CDH18: variants seen among roughly 807,000 people sequenced by gnomAD.
CDH18 encodes cadherin-18.
CDH18 carries 31 observed loss-of-function variants against 67.9 expected under a neutral mutation model. That is an observed-to-expected ratio of 0.46 (90% CI 0.34 to 0.62). CDH18 has a LOEUF of 0.62. Among genes scored for constraint, CDH18 ranks in the 20% least tolerant of loss-of-function variants. The pLI is 0.01. For missense variants in CDH18, 890 were observed against 975.5 expected (o/e 0.91, Z 1.17); for synonymous variants, 362 against 347.2 (o/e 1.04, Z -0.48).
At chr5:19,554,038 T>C (rs923839544) in intron 8 of CDH18, among the ~76,000 whole-genome samples, 8 of 152,224 alleles carry the variant, frequency 5.3e-5, no homozygotes, top group South Asian at 4.1e-4. Context: ...TGCAATTTAA[T>C]ACACAAGCCA....
rs577048556 is a variant in CDH18, at chr5:19,567,848, G to A, written c.1253+3731C>T. Among the ~76,000 whole-genome samples, 16 of 152,172 alleles carry A rather than the reference G, an allele frequency of 1.1e-4. No individual in the cohort carries two copies. In the South Asian group the frequency reaches 1.2e-3, roughly 12 times the overall value. ...TCTTTGCATCCCAACAACCAGGAGA[G>A]TGCATGTTTCATATGAGTGTTCATT... On this transcript the variant is annotated intron_variant, in intron 8 of 12. Transcript: ENST00000382275.
chr5:19,788,227 A>T (rs1326069263), intron 3 of CDH18, among the ~76,000 whole-genome samples: 1 of 152,160 alleles, frequency 6.6e-6, no homozygotes, highest in African/African-American at 2.4e-5. Context: ...TAAATGTTGG[A>T]ATTTTTCTAC....
rs142283420 is a variant in CDH18, at chr5:19,554,990, T to G, written c.1254-10985A>C. On this transcript the variant is annotated intron_variant, in intron 8 of 12. Coordinates refer to ENST00000382275, the MANE Select transcript of CDH18 (RefSeq NM_004934.5). The stretch of plus-strand genomic sequence containing the variant: ...AGAGTTACTATAATGGAGGAAATGT[T>G]CAAATAGATCCAAAATCTACTCTAA... Among the ~76,000 whole-genome samples the G allele has an allele frequency of 1.9e-3, 296 of 152,300 alleles. 2 individuals are homozygous for G. The highest frequency in any genetic ancestry group is 6.9e-3 in the African/African-American group (288 of 41,572).
intron 5 of CDH18, among the ~76,000 whole-genome samples, chr5:19,619,895 T>A (rs1162207): frequency 1.3e-5 from 2 of 152,148 alleles, no homozygotes; most frequent in Non-Finnish European, 2.9e-5. Context: ...AAAATATATA[T>A]GAAATTATAT....
At chr5:19,776,705 C>T (rs1245983083) in intron 3 of CDH18, among the ~76,000 whole-genome samples, 1 of 152,148 alleles carries the variant, frequency 6.6e-6, no homozygotes, top group Admixed American at 6.5e-5. Context: ...GACTGTTATA[C>T]ACATTTTTTT....
chr5:19,905,278 T>C (rs1790410882), intron 2 of CDH18, among the ~76,000 whole-genome samples: 1 of 152,150 alleles, frequency 6.6e-6, no homozygotes, highest in Non-Finnish European at 1.5e-5. Flanking sequence ...TGCAGGTTGG[T>C]TTTGTATCCT....
At chr5:20,414,321 A>G (rs1346863610) in intron 1 of CDH18, among the ~76,000 whole-genome samples, 1 of 152,234 alleles carries the variant, frequency 6.6e-6, no homozygotes, top group African/African-American at 2.4e-5. Flanking sequence ...TTACAACAAT[A>G]TGAATGCAGT....
At chr5:20,488,715 T>A (rs1159798115) in intron 1 of CDH18, among the ~76,000 whole-genome samples, 1 of 130,790 alleles carries the variant, frequency 7.6e-6, no homozygotes, top group Non-Finnish European at 1.7e-5. Flanking sequence ...ACACATACAA[T>A]TGTTTATCAA....
Position 19,712,022 on chromosome 5 carries a change from C to G in CDH18, c.643+9325G>C, listed in dbSNP as rs536594385. Among the ~76,000 whole-genome samples, 12 of 152,134 alleles carry G rather than the reference C, an allele frequency of 7.9e-5. No homozygotes were observed. The South Asian group carries it at 2.5e-3, about 32-fold the overall frequency. ...GTCTTTTGCAGGAACATAGACGGAA[C>G]TGGAAGCCATTATCTTAAGTAAAAT... On this transcript the variant is annotated intron_variant, in intron 5 of 12. Coordinates refer to ENST00000382275, the MANE Select transcript of CDH18 (RefSeq NM_004934.5).
At chr5:20,229,617 T>A (rs142873510) in intron 2 of CDH18, among the ~76,000 whole-genome samples, 9 of 152,276 alleles carry the variant, frequency 5.9e-5, no homozygotes, top group Admixed American at 5.9e-4. Flanking sequence ...TAACCACATC[T>A]CTTATTTTCT....
intron 4 of CDH18, among the ~76,000 whole-genome samples, chr5:19,731,791 A>C (rs1213023220): frequency 6.6e-6 from 1 of 152,170 alleles, no homozygotes; most frequent in Non-Finnish European, 1.5e-5. Context: ...TGGTGTCACC[A>C]TCAAGAATTA....
rs560466462 is a variant in CDH18, at chr5:20,466,961, T to A, written c.-580+108501A>T. Among the ~76,000 whole-genome samples, 7 of 152,244 alleles carry A rather than the reference T, an allele frequency of 4.6e-5. No homozygotes were observed. The South Asian group carries it at 1.4e-3, about 31-fold the overall frequency. ...AATAAACATTCTGAAATTATGGCCT[T>A]GTTGCAGGAAAAGGAGAGGGATAAT... On this transcript the variant is annotated intron_variant, in intron 1 of 14. Coordinates refer to the CDH18 transcript ENST00000507958.
intron 2 of CDH18, among the ~76,000 whole-genome samples, chr5:19,922,090 A>C (rs1792547108): frequency 6.6e-6 from 1 of 152,190 alleles, no homozygotes; most frequent in South Asian, 2.1e-4. Context: ...TTGCTGAATT[A>C]ACAGTTTCAT....
In CDH18 at chr5:20,088,670, T is replaced by A. The variant is rs758877966; in HGVS notation, c.-517-96656A>T. Among the ~76,000 whole-genome samples, 21 of 152,256 alleles carry A rather than the reference T, an allele frequency of 1.4e-4. 1 individual carries two copies. The South Asian group carries it at 1.7e-3, about 12-fold the overall frequency. Reference sequence around the variant, plus strand: ...GCCAGGAGTGGAAGCATTTCTGGACTCCCTCTTCTGTAAATTAATCAAGTT... The same window carrying A: ...GCCAGGAGTGGAAGCATTTCTGGACACCCTCTTCTGTAAATTAATCAAGTT... On this transcript the variant is annotated intron_variant, in intron 2 of 14. Transcript: ENST00000507958.
intron 2 of CDH18, among the ~76,000 whole-genome samples, chr5:19,901,380 G>T (rs1789924801): frequency 6.6e-6 from 1 of 151,826 alleles, no homozygotes; most frequent in Non-Finnish European, 1.5e-5. Flanking sequence ...CTTGTTCATT[G>T]TCTCCAAGAC....
intron 9 of CDH18, among the ~76,000 whole-genome samples, chr5:19,522,769 C>T (rs1406657047): frequency 1.3e-5 from 2 of 151,916 alleles, no homozygotes; most frequent in African/African-American, 4.8e-5. Context: ...TTTGTGCATG[C>T]CTGTACTCCC....
intron 2 of CDH18, among the ~76,000 whole-genome samples, chr5:20,244,751 T>A (rs1743245474): frequency 6.6e-6 from 1 of 152,142 alleles, no homozygotes. Context: ...ATTATTTTGT[T>A]ATCAAATACA....
intron 2 of CDH18, among the ~76,000 whole-genome samples, chr5:20,099,788 A>T (rs1746299708): frequency 6.6e-6 from 1 of 152,108 alleles, no homozygotes; most frequent in African/African-American, 2.4e-5. Flanking sequence ...TTATCCTTTA[A>T]TTTTTTTCCT....
chr5:19,897,206 T>C (rs1320971673), intron 2 of CDH18, among the ~76,000 whole-genome samples: 1 of 152,070 alleles, frequency 6.6e-6, no homozygotes, highest in Non-Finnish European at 1.5e-5. Context: ...ATTCCTCATA[T>C]AAAGAGTTTC....
Sources: allele counts gnomAD v4.1 joint callset (sites outside exome capture counted in the v4.1 genomes callset), GRCh38; gene constraint gnomAD v4.1.1; transcripts MANE v1.5; gene names NCBI Gene and HGNC (gene_info 2026-07-23, HGNC 2026-07-21).